The following NKAIN3 variants were observed in gnomAD, a reference collection of about 807,000 sequenced individuals.
NKAIN3 encodes sodium/potassium-transporting ATPase subunit beta-1-interacting protein 3.
In NKAIN3, 25 loss-of-function variants were observed where a neutral mutation model predicts 30.2. The observed-to-expected ratio is 0.83, with a 90% CI of 0.60 to 1.16. The LOEUF (loss-of-function observed/expected upper bound fraction) is 1.16, where lower values mean the gene tolerates loss of function less well. NKAIN3 is among the 50% of genes most tolerant of loss of function. The probability of loss-of-function intolerance (pLI) is 0.00; values close to 1 mark genes in which losing one functional copy is unlikely to be tolerated. For synonymous variants in NKAIN3, 91 were observed against 89.6 expected (o/e 1.02, Z -0.09); for missense variants, 225 against 254.1 (o/e 0.89, Z 0.78).
chr8:62,692,320 T>C (rs1279790678), intron 3 of NKAIN3, among the ~76,000 whole-genome samples: 1 of 152,162 alleles, frequency 6.6e-6, no homozygotes, highest in Admixed American at 6.5e-5. Context: ...CAAAGATAAG[T>C]AGAAGCACAA....
At chr8:62,900,532 G>A (rs1821582466) in intron 4 of NKAIN3, among the ~76,000 whole-genome samples, 1 of 152,164 alleles carries the variant, frequency 6.6e-6, no homozygotes, top group African/African-American at 2.4e-5. Context: ...TTGGGGACAT[G>A]TTAATTAAAC....
At chr8:62,271,538 A>T (rs1474666072) in intron 1 of NKAIN3, among the ~76,000 whole-genome samples, 1 of 152,158 alleles carries the variant, frequency 6.6e-6, no homozygotes, top group Non-Finnish European at 1.5e-5. Flanking sequence ...CCCAACCAAT[A>T]ATATAATGTC....
chr8:62,896,156 G>A (rs78332577), intron 4 of NKAIN3, among the ~76,000 whole-genome samples: 1,947 of 152,128 alleles, frequency 0.013, 19 homozygotes, highest in Middle Eastern at 0.02. Context: ...AGTCAGGCTC[G>A]GGTGAGGGCC....
At chr8:62,559,540 C>T (rs1275610220) in intron 1 of NKAIN3, among the ~76,000 whole-genome samples, 1 of 151,748 alleles carries the variant, frequency 6.6e-6, no homozygotes, top group African/African-American at 2.4e-5. Context: ...TTTTAGATTG[C>T]CATTTTAATA....
chr8:62,286,082 T>G (rs977597071), intron 1 of NKAIN3, among the ~76,000 whole-genome samples: 1 of 152,128 alleles, frequency 6.6e-6, no homozygotes, highest in African/African-American at 2.4e-5. Context: ...GTTTGTTCAA[T>G]CAAAATGACT....
chr8:62,432,795 G>A (rs886074657), intron 1 of NKAIN3, among the ~76,000 whole-genome samples: 5 of 151,974 alleles, frequency 3.3e-5, no homozygotes, highest in Non-Finnish European at 7.4e-5. Flanking sequence ...TTTTCCCTTG[G>A]TATTGGACAC....
intron 3 of NKAIN3, among the ~76,000 whole-genome samples, chr8:62,603,592 A>G (rs1003426177): frequency 6.6e-6 from 1 of 152,122 alleles, no homozygotes; most frequent in Non-Finnish European, 1.5e-5. Flanking sequence ...TTGCACAGAG[A>G]AAGTTTGTCT....
At position 62,969,470 on chromosome 8, in the gene NKAIN3, C is replaced by T. The variant is rs924706340; in HGVS notation, c.*4063C>T. 2.0e-5 allele frequency among the ~76,000 whole-genome samples: 3 copies of T among 152,104 alleles called. No homozygotes were observed. In the South Asian group the frequency reaches 6.2e-4, roughly 32 times the overall value. ...GAATAAACAAATCTTCATTTCATAC[C>T]TAATTTTAAAACGAATTGTGTCCCC... On this transcript the variant is annotated 3_prime_UTR_variant, in exon 7 of 7. Transcript: ENST00000623646.
intron 1 of NKAIN3, among the ~76,000 whole-genome samples, chr8:62,523,416 A>G (rs1239360892): frequency 1.3e-5 from 2 of 152,138 alleles, no homozygotes. Flanking sequence ...GGGCCATAAT[A>G]ACACAGTGAG....
At chr8:62,511,643 A>G (rs557257993) in intron 1 of NKAIN3, among the ~76,000 whole-genome samples, 91 of 152,058 alleles carry the variant, frequency 6.0e-4, no homozygotes, top group Non-Finnish European at 9.6e-4. Flanking sequence ...CTTGATGTAC[A>G]TTTGTCTCCC....
intron 1 of NKAIN3, among the ~76,000 whole-genome samples, chr8:62,432,570 C>T (rs1055689411): frequency 3.9e-5 from 6 of 152,010 alleles, no homozygotes; most frequent in African/African-American, 1.2e-4. Flanking sequence ...TAATATTGCA[C>T]ATTATTTCAT....
chr8:62,365,630 A>G (rs1319566285), intron 1 of NKAIN3, among the ~76,000 whole-genome samples: 1 of 152,142 alleles, frequency 6.6e-6, no homozygotes, highest in Admixed American at 6.5e-5. Context: ...GAATTTCTCT[A>G]AGCTTATCGG....
At chr8:62,699,099 C>T (rs1170230282) in intron 3 of NKAIN3, among the ~76,000 whole-genome samples, 1 of 152,074 alleles carries the variant, frequency 6.6e-6, no homozygotes, top group Non-Finnish European at 1.5e-5. Flanking sequence ...TGTGACCTTT[C>T]TCGGGATATT....
At chr8:62,508,484 G>C (rs988048622) in intron 1 of NKAIN3, among the ~76,000 whole-genome samples, 1 of 152,112 alleles carries the variant, frequency 6.6e-6, no homozygotes, top group Non-Finnish European at 1.5e-5. Flanking sequence ...GTTAGGATGT[G>C]GCTTCTGTGA....
At chr8:62,814,488 T>C (rs1181233391) in intron 4 of NKAIN3, among the ~76,000 whole-genome samples, 1 of 151,642 alleles carries the variant, frequency 6.6e-6, no homozygotes, top group African/African-American at 2.4e-5. Flanking sequence ...GAAGTAAAGC[T>C]CTCCTCAGCA....
At chr8:62,320,298 T>A (rs193151872) in intron 1 of NKAIN3, among the ~76,000 whole-genome samples, 73 of 152,318 alleles carry the variant, frequency 4.8e-4, no homozygotes, top group Non-Finnish European at 8.5e-4. Flanking sequence ...TTTGCCAGTC[T>A]GTGTCATCTG....
At chr8:62,719,067 G>A (rs1161808241) in intron 3 of NKAIN3, among the ~76,000 whole-genome samples, 1 of 152,174 alleles carries the variant, frequency 6.6e-6, no homozygotes, top group Non-Finnish European at 1.5e-5. Flanking sequence ...GTAATAAGGA[G>A]ACATATTGTT....
chr8:62,804,981 A>T (rs1253125835), intron 4 of NKAIN3, among the ~76,000 whole-genome samples: 2 of 152,236 alleles, frequency 1.3e-5, no homozygotes, highest in Non-Finnish European at 2.9e-5. Context: ...ATGTACAAAA[A>T]TCACAATCAT....
At chr8:62,488,283 G>A (rs1425443409) in intron 1 of NKAIN3, among the ~76,000 whole-genome samples, 2 of 151,978 alleles carry the variant, frequency 1.3e-5, no homozygotes, top group African/African-American at 2.4e-5. Context: ...CTTTACCTCA[G>A]TGTCACCATA....
Sources: gnomAD v4.1 joint callset for allele counts (sites outside exome capture counted in the v4.1 genomes callset) on GRCh38, gnomAD v4.1.1 for gene constraint, MANE v1.5 for transcripts, NCBI Gene and HGNC (gene_info 2026-07-23, HGNC 2026-07-21) for gene names.